ADAMTS17: variants seen among roughly 807,000 people sequenced by gnomAD.
The protein encoded by ADAMTS17 is ADAM metallopeptidase with thrombospondin type 1 motif 17, also known as A disintegrin and metalloproteinase with thrombospondin motifs 17.
Under a neutral mutation model 141.5 loss-of-function variants are expected in ADAMTS17, and 113 were observed. That is an observed-to-expected ratio of 0.80 (90% CI 0.69 to 0.93). ADAMTS17 has a LOEUF of 0.93. Among genes scored for constraint, ADAMTS17 ranks in the 40% least tolerant of loss-of-function variants. The pLI is 0.00. For missense variants in ADAMTS17, 1,659 were observed against 1,517.9 expected, an observed-to-expected ratio of 1.09 and a Z score of -1.54; for synonymous variants, 768 against 630.6, an observed-to-expected ratio of 1.22 and a Z score of -3.27.
At chr15:100,242,418 A>C (rs2042855472) in intron 7 of ADAMTS17, among the ~76,000 whole-genome samples, 1 of 152,204 alleles carries the variant, frequency 6.6e-6, no homozygotes, top group African/African-American at 2.4e-5. Context: ...GTTTAAGCCA[A>C]AGATGCATAG....
chr15:100,186,860 G>C (rs1170234171), intron 8 of ADAMTS17, among the ~76,000 whole-genome samples: 1 of 152,182 alleles, frequency 6.6e-6, no homozygotes, highest in Non-Finnish European at 1.5e-5. Flanking sequence ...AGCCATTCTG[G>C]AATGTTTCCT....
chr15:100,062,017 G>C (rs553475863), intron 15 of ADAMTS17, among the ~76,000 whole-genome samples: 1 of 152,318 alleles, frequency 6.6e-6, no homozygotes, highest in African/African-American at 2.4e-5. Flanking sequence ...TGGGCTCTTT[G>C]CGAATTTAGT....
chr15:100,254,098 A>T, intron 7 of ADAMTS17, 38 bp downstream of exon 7: 1 of 1,598,064 alleles, frequency 6.3e-7, no homozygotes, highest in Non-Finnish European at 8.6e-7. Flanking sequence ...CCCAGGGTGT[A>T]TCAGCCCCTT....
At chr15:100,051,443 G>A (rs779851114) in intron 17 of ADAMTS17, 129 bp downstream of exon 17, 64 of 1,335,712 alleles carry the variant, frequency 4.8e-5, no homozygotes, top group Admixed American at 8.4e-5. Context: ...ATTTTCGGTG[G>A]GATATGGTTA....
chr15:100,275,729 G>A (rs1232391127), intron 4 of ADAMTS17, among the ~76,000 whole-genome samples: 2 of 152,040 alleles, frequency 1.3e-5, no homozygotes, highest in East Asian at 3.9e-4. Context: ...GAAGCACTTT[G>A]CCATCTGGGA....
At chr15:100,249,676 A>G (rs117263728) in intron 7 of ADAMTS17, among the ~76,000 whole-genome samples, 2,260 of 152,284 alleles carry the variant, frequency 0.015, 23 homozygotes, top group Middle Eastern at 0.051. Context: ...CCCTTCCAGT[A>G]GGTGCCCTTG....
intron 4 of ADAMTS17, among the ~76,000 whole-genome samples, chr15:100,279,497 T>C (rs915555653): frequency 5.9e-5 from 9 of 152,204 alleles, no homozygotes; most frequent in African/African-American, 2.2e-4. Context: ...CCCTGGGTCA[T>C]TCCCCACTGC....
chr15:100,331,115 C>T (rs2046040492), intron 2 of ADAMTS17, 61 bp from the exon 3 acceptor site: 4 of 1,603,932 alleles, frequency 2.5e-6, no homozygotes, highest in Non-Finnish European at 2.6e-6. Flanking sequence ...CGCCCATGGC[C>T]CCCCGGAGGG....
At chr15:100,044,325 C>T (rs1393372674) in intron 18 of ADAMTS17, among the ~76,000 whole-genome samples, 2 of 152,208 alleles carry the variant, frequency 1.3e-5, no homozygotes, top group African/African-American at 4.8e-5. Context: ...TACTATCCCA[C>T]AGGTAACTGA....
At chr15:100,187,900 A>G (rs958483603) in intron 8 of ADAMTS17, among the ~76,000 whole-genome samples, 10 of 152,182 alleles carry the variant, frequency 6.6e-5, no homozygotes, top group Non-Finnish European at 1.2e-4. Context: ...ACAGGGACCC[A>G]TAGTCTGCCT....
intron 2 of ADAMTS17, chr15:100,339,060 C>T: frequency 2.0e-6 from 2 of 985,486 alleles, no homozygotes; most frequent in African/African-American, 1.7e-5. Flanking sequence ...GACTAAACAA[C>T]AGAAGTGTCT....
chr15:100,211,469 C>G (rs546465417), intron 7 of ADAMTS17, among the ~76,000 whole-genome samples: 12 of 152,232 alleles, frequency 7.9e-5, no homozygotes, highest in African/African-American at 2.6e-4. Flanking sequence ...ATGCCAGACA[C>G]AGAAACAAAC....
intron 18 of ADAMTS17, among the ~76,000 whole-genome samples, chr15:100,000,638 TGAG>T (rs1192521618): frequency 6.6e-6 from 1 of 152,160 alleles, no homozygotes; most frequent in Non-Finnish European, 1.5e-5. Flanking sequence ...CTCAGCCTCC[TGAG>T]TAGTCGGGTT....
At chr15:100,142,520 TTGAG>T (rs1408642604) in intron 10 of ADAMTS17, among the ~76,000 whole-genome samples, 10 of 152,206 alleles carry the variant, frequency 6.6e-5, no homozygotes, top group South Asian at 2.1e-4. Flanking sequence ...CTAACATTTA[TTGAG>T]TGTGTGCTAC....
At chr15:100,075,470 A>T (rs1234396205) in intron 15 of ADAMTS17, among the ~76,000 whole-genome samples, 1 of 152,294 alleles carries the variant, frequency 6.6e-6, no homozygotes, top group South Asian at 2.1e-4. Flanking sequence ...TGTTGAGGTC[A>T]TACTTGCTTT....
At chr15:100,278,587 G>C (rs1245904370) in intron 4 of ADAMTS17, among the ~76,000 whole-genome samples, 8 of 152,190 alleles carry the variant, frequency 5.3e-5, no homozygotes, top group Non-Finnish European at 1.0e-4. Flanking sequence ...TCTGAGTGCT[G>C]CCGAAGCAGC....
rs186395811 is a variant in ADAMTS17 at position 100,174,730 on chromosome 15, C to G, written c.1182-19410G>C. On this transcript the variant is annotated intron_variant, in intron 8 of 21. Coordinates refer to ENST00000268070, the MANE Select transcript of ADAMTS17 (RefSeq NM_139057.4). ...TGTACACAACTTGTCCTCAAACCCT[C>G]TCTGGATTTTGGCTCAAAGCAACGT... 2.5e-3 allele frequency among the ~76,000 whole-genome samples: 386 copies of G among 152,288 alleles called. 5 individuals are homozygous for G. The highest frequency in any genetic ancestry group is 9.1e-3 in the African/African-American group (379 of 41,542).
chr15:100,264,880 A>T (rs2043655426), intron 4 of ADAMTS17, among the ~76,000 whole-genome samples: 1 of 152,194 alleles, frequency 6.6e-6, no homozygotes, highest in South Asian at 2.1e-4. Context: ...AAAAAGCTGT[A>T]GAGATTGATT....
At chr15:100,019,935 A>G in intron 18 of ADAMTS17, among the ~76,000 whole-genome samples, 1 of 152,044 alleles carries the variant, frequency 6.6e-6, no homozygotes, top group East Asian at 1.9e-4. Flanking sequence ...TTGATCACCA[A>G]ATTCCTACTA....
Sources: allele counts gnomAD v4.1 joint callset (sites outside exome capture counted in the v4.1 genomes callset), GRCh38; gene constraint gnomAD v4.1.1; transcripts MANE v1.5; gene names NCBI Gene and HGNC (gene_info 2026-07-23, HGNC 2026-07-21).